Variants in FILIP1L observed in about 807,000 individuals in gnomAD.
FILIP1L encodes the protein filamin A interacting protein 1 like, also known as filamin A-interacting protein 1-like.
A neutral mutation model predicts 96.6 loss-of-function variants in FILIP1L; 55 were observed. That is an observed-to-expected ratio of 0.57 (90% CI 0.46 to 0.71). The LOEUF is 0.71. Among genes scored for constraint, FILIP1L ranks in the 30% least tolerant of loss-of-function variants. The pLI, the probability that FILIP1L is intolerant of heterozygous loss-of-function variation, is 0.00. For missense variants in FILIP1L, 1,304 were observed against 1,321.2 expected, an observed-to-expected ratio of 0.99 and a Z score of 0.20; for synonymous variants, 467 against 473.9, an observed-to-expected ratio of 0.99 and a Z score of 0.19.
At position 99,930,971 on chromosome 3, in the gene FILIP1L, G is replaced by A. The variant is rs202182798; in HGVS notation, c.50C>T (p.Pro17Leu). 4.6e-4 allele frequency: 738 copies of A among 1,613,490 alleles called. 1 individual carries two copies. The highest frequency in any genetic ancestry group is 5.8e-4 in the Non-Finnish European group (689 of 1,179,874). The change falls in exon 2 of 6, where the codon CCA becomes CTA. Residue 17 changes from proline (P) to leucine (L), a missense_variant. Pro to Leu is a moderately conservative substitution (Grantham distance 98, BLOSUM62 -3). Coordinates refer to ENST00000477258, the MANE Select transcript of FILIP1L (RefSeq NM_001387850.1). ...DTEGSAQKKFPRHTKGHSFQG... is the reference protein window; with the variant it reads ...DTEGSAQKKFLRHTKGHSFQG... ...GAAACTGTGGCCTTTAGTATGTCTT[G>A]GAAATTTCTTTTGGGCTGAGCCCTC...
chr3:100,013,502 C>A (rs998015722), intron 1 of FILIP1L, among the ~76,000 whole-genome samples: 1 of 152,090 alleles, frequency 6.6e-6, no homozygotes, highest in African/African-American at 2.4e-5. Flanking sequence ...CCTCGGCCTC[C>A]CAAAGTGCTG....
At chr3:99,870,293 T>A (rs972967794) in intron 4 of FILIP1L, among the ~76,000 whole-genome samples, 1 of 152,204 alleles carries the variant, frequency 6.6e-6, no homozygotes, top group Non-Finnish European at 1.5e-5. Context: ...TCTTTTAGTC[T>A]CACCGTTGAG....
At chr3:100,014,874 C>CT (rs200759774) in intron 1 of FILIP1L, among the ~76,000 whole-genome samples, 114 of 28,180 alleles carry the variant, frequency 4.0e-3, no homozygotes, top group Middle Eastern at 0.045. Flanking sequence ...TTTTTCTTTT[C>CT]TTTTTTTTTT....
chr3:99,892,907 G>C (rs1006722446), intron 4 of FILIP1L, among the ~76,000 whole-genome samples: 2 of 152,134 alleles, frequency 1.3e-5, no homozygotes, highest in African/African-American at 4.8e-5. Flanking sequence ...TAAATTCTAA[G>C]CGTACTATTG....
At chr3:99,986,201 A>G (rs895069390) in intron 1 of FILIP1L, among the ~76,000 whole-genome samples, 1 of 152,248 alleles carries the variant, frequency 6.6e-6, no homozygotes, top group Non-Finnish European at 1.5e-5. Context: ...AGATGTAAAG[A>G]TAGCTTACAT....
At position 100,091,807 on chromosome 3, in the gene FILIP1L, C is replaced by T. The variant is rs1387038355; in HGVS notation, c.-11+22246G>A. Among the ~76,000 whole-genome samples, 3 of 152,282 alleles carry T rather than the reference C, an allele frequency of 2.0e-5. No homozygotes were observed. In the East Asian group the frequency reaches 5.8e-4, roughly 29 times the overall value. On this transcript the variant is annotated intron_variant, in intron 1 of 5. Transcript: ENST00000477258. ...ATTTTCCTTAAGACAGGATTATTTG[C>T]TCAGCGTCTCCTCTCGTGATTCACA...
chr3:99,891,014 T>G (rs1304480126), intron 4 of FILIP1L, among the ~76,000 whole-genome samples: 2 of 152,120 alleles, frequency 1.3e-5, no homozygotes, highest in Non-Finnish European at 2.9e-5. Flanking sequence ...TTAAACTGAA[T>G]TTTTTGACCT....
chr3:99,950,183 T>C (rs895153617), intron 1 of FILIP1L, among the ~76,000 whole-genome samples: 1 of 152,214 alleles, frequency 6.6e-6, no homozygotes, highest in African/African-American at 2.4e-5. Context: ...TTTTTCTTAT[T>C]TACTTCCTTA....
intron 4 of FILIP1L, among the ~76,000 whole-genome samples, chr3:99,886,892 C>A (rs1437970842): frequency 6.6e-6 from 1 of 151,434 alleles, no homozygotes; most frequent in Non-Finnish European, 1.5e-5. Context: ...ATCGCTTGAA[C>A]CTGGGAGGCA....
At chr3:99,954,964 A>G (rs776522745) in intron 1 of FILIP1L, among the ~76,000 whole-genome samples, 10 of 152,260 alleles carry the variant, frequency 6.6e-5, no homozygotes, top group Non-Finnish European at 1.2e-4. Flanking sequence ...ATCACTTTGA[A>G]TAGAAAAATC....
At position 99,849,044 on chromosome 3, in the gene FILIP1L, T is replaced by C. The variant is rs1943517514; in HGVS notation, c.2632A>G (p.Met878Val). The change falls in exon 5 of 6, where the codon ATG becomes GTG. Residue 878 changes from methionine to valine, a missense_variant. Transcript: ENST00000477258. ...SKEGHLQNGK[M>V]QTKPNANFVQ... is the part of the protein sequence containing the mutation. The stretch of plus-strand genomic sequence containing the variant: ...AAGTTGGCATTGGGTTTAGTTTGCA[T>C]TTTTCCATTCTGAAGATGGCCCTCC... 6.2e-7 allele frequency: 1 copy of C among 1,614,144 alleles called. No individual in the cohort carries two copies. The highest frequency in any genetic ancestry group is 2.2e-5 in the East Asian group (1 of 44,886).
intron 1 of FILIP1L, among the ~76,000 whole-genome samples, chr3:100,003,986 A>G (rs986151851): frequency 3.9e-5 from 6 of 152,120 alleles, no homozygotes; most frequent in African/African-American, 1.4e-4. Context: ...TGGACGGTGT[A>G]TATTGATTTT....
intron 1 of FILIP1L, among the ~76,000 whole-genome samples, chr3:99,984,796 A>G (rs1246535161): frequency 6.6e-6 from 1 of 152,190 alleles, no homozygotes; most frequent in African/African-American, 2.4e-5. Flanking sequence ...TATATGATAA[A>G]ATCAAGGATC....
At chr3:99,848,060 T>C in intron 5 of FILIP1L, 1 of 1,285,110 alleles carries the variant, frequency 7.8e-7, no homozygotes, top group African/African-American at 1.5e-5. Context: ...CTAAATATTT[T>C]CCATACAAGT....
intron 1 of FILIP1L, among the ~76,000 whole-genome samples, chr3:100,020,866 C>T (rs2107227806): frequency 7.4e-6 from 1 of 135,054 alleles, no homozygotes; most frequent in Admixed American, 8.7e-5. Flanking sequence ...CTCCCAGGTT[C>T]AAGTGATTCT....
intron 4 of FILIP1L, among the ~76,000 whole-genome samples, chr3:99,913,814 A>C (rs1291073658): frequency 6.6e-6 from 1 of 152,238 alleles, no homozygotes; most frequent in Admixed American, 6.5e-5. Flanking sequence ...AAAAGAAAAA[A>C]CGTAGAAAAC....
intron 1 of FILIP1L, among the ~76,000 whole-genome samples, chr3:100,014,773 C>T (rs1417857911): frequency 4.0e-4 from 57 of 141,328 alleles, no homozygotes; most frequent in Non-Finnish European, 7.9e-4. Context: ...CAAATGTTTT[C>T]TCTCATTCCA....
intron 1 of FILIP1L, among the ~76,000 whole-genome samples, chr3:100,058,039 C>A (rs1460804751): frequency 6.6e-6 from 1 of 152,200 alleles, no homozygotes; most frequent in Admixed American, 6.5e-5. Flanking sequence ...CCACTCATGC[C>A]TCAAAGTAAT....
chr3:100,014,891 C>CT (rs1710284139), intron 1 of FILIP1L, among the ~76,000 whole-genome samples: 37 of 27,210 alleles, frequency 1.4e-3, no homozygotes, highest in South Asian at 3.0e-3. Flanking sequence ...TTTTTTCTTT[C>CT]TTTCTTTTTT....
Sources: gnomAD v4.1 joint callset for allele counts (sites outside exome capture counted in the v4.1 genomes callset) on GRCh38, gnomAD v4.1.1 for gene constraint, MANE v1.5 for transcripts, NCBI Gene and HGNC (gene_info 2026-07-23, HGNC 2026-07-21) for gene names.